The following SLC12A9 variants were observed in gnomAD, a reference collection of about 807,000 sequenced individuals.
The protein encoded by SLC12A9 is solute carrier family 12 member 9.
SLC12A9 carries 55 observed loss-of-function variants against 66.0 expected under a neutral mutation model. That is an observed-to-expected ratio of 0.83 (90% CI 0.67 to 1.04). SLC12A9 has a LOEUF of 1.04. Among genes scored for constraint, SLC12A9 ranks in the 50% least tolerant of loss-of-function variants. The pLI, the probability that SLC12A9 is intolerant of heterozygous loss-of-function variation, is 0.00. For synonymous variants in SLC12A9, 577 were observed against 569.0 expected, an observed-to-expected ratio of 1.01 and a Z score of -0.20; for missense variants, 1,061 against 1,241.9, an observed-to-expected ratio of 0.85 and a Z score of 2.19.
At chr7:100,827,694 G>T (rs1342858658) in intron 1 of SLC12A9, among the ~76,000 whole-genome samples, 1 of 152,162 alleles carries the variant, frequency 6.6e-6, no homozygotes, top group Non-Finnish European at 1.5e-5. Context: ...TCGGGAAGTT[G>T]AGAGAAAGTT....
At position 100,861,253 on chromosome 7, in the gene SLC12A9, C is replaced by T; in HGVS notation, c.1334C>T (p.Pro445Leu). The T allele has an allele frequency of 6.2e-7, 1 of 1,614,208 alleles. No homozygotes were observed. The highest frequency in any genetic ancestry group is 8.5e-7 in the Non-Finnish European group (1 of 1,180,026). The part of the protein sequence containing the change: ...SCLSLEWASA[P>L]NFRPTFSLFS... The stretch of plus-strand genomic sequence containing the variant: ...CTGAGCCTGGAGTGGGCCTCGGCCC[C>T]CAACTTCCGGTGAGAGACTCAGATC... The change falls in exon 10 of 14, where the codon CCC (proline) becomes CTC (leucine). Residue 445 changes from proline to leucine, a missense_variant. Physicochemically the swap from Pro to Leu is moderately conservative, Grantham distance 98 (BLOSUM62 -3). Coordinates refer to ENST00000354161, the MANE Select transcript of SLC12A9 (RefSeq NM_020246.4). The surrounding 1 kb of genome is among the most constrained non-coding windows in gnomAD (Gnocchi z 5.3).
chr7:100,830,974 C>A (rs1813532634), intron 1 of SLC12A9, among the ~76,000 whole-genome samples: 1 of 152,088 alleles, frequency 6.6e-6, no homozygotes, highest in Non-Finnish European at 1.5e-5. Context: ...ACGTTACTAC[C>A]TGAATCCATG....
chr7:100,839,557 G>A (rs963544556), intron 1 of SLC12A9, among the ~76,000 whole-genome samples: 1 of 152,226 alleles, frequency 6.6e-6, no homozygotes, highest in African/African-American at 2.4e-5. Context: ...CATCCCTGCG[G>A]GCGACTCTAA....
Position 100,854,659 on chromosome 7 carries a change from C to G in SLC12A9, c.221C>G (p.Ala74Gly). The G allele has an allele frequency of 6.2e-7, 1 of 1,614,050 alleles. No homozygotes were observed. Among genetic ancestry groups the G allele is most frequent in the African/African-American group, 1.3e-5 (1 of 75,002 alleles). Reference sequence around the variant, plus strand: ...CATGCTGGGCTACTGCAGGCCCTGGCCATGCTGCTGGTTGCCTACTTCATC... The same window carrying G: ...CATGCTGGGCTACTGCAGGCCCTGGGCATGCTGCTGGTTGCCTACTTCATC... ...VGHAGLLQAL[A>G]MLLVAYFILA... Residue 74 changes from alanine to glycine, a missense_variant, in exon 3 of 14, where the codon GCC becomes GGC. Ala to Gly is a moderately conservative substitution (Grantham distance 60). Coordinates refer to ENST00000354161, the MANE Select transcript of SLC12A9 (RefSeq NM_020246.4).
chr7:100,840,176 GTTCT>G (rs1322448609), intron 1 of SLC12A9, among the ~76,000 whole-genome samples: 2 of 152,140 alleles, frequency 1.3e-5, no homozygotes, highest in African/African-American at 4.8e-5. Flanking sequence ...CTTTTTACCT[GTTCT>G]TTGTTTTGTG....
upstream of SLC12A9, among the ~76,000 whole-genome samples, chr7:100,851,837 AT>A (rs1814093413): frequency 6.6e-6 from 1 of 150,932 alleles, no homozygotes. Flanking sequence ...CCAAGCTCCA[AT>A]TTCCTAATCT....
intron 1 of SLC12A9, among the ~76,000 whole-genome samples, chr7:100,829,380 G>A (rs983510071): frequency 6.6e-6 from 1 of 152,158 alleles, no homozygotes; most frequent in African/African-American, 2.4e-5. Flanking sequence ...GCTGCCAAGC[G>A]CCCTTACGTC....
Position 100,854,354 on chromosome 7 carries a change from A to G in SLC12A9, c.157A>G (p.Ser53Gly). The stretch of plus-strand genomic sequence containing the variant: ...GGTGCCCACTGTCCTGTCCATGTTC[A>G]GCATAGTTGTTTTTCTGAGGATTGG... ...VVVPTVLSMF[S>G]IVVFLRIGFV... Residue 53 changes from serine (S) to glycine (G), a missense_variant, in exon 2 of 14, where the codon AGC (serine) becomes GGC (glycine). Transcript: ENST00000354161. The G allele has an allele frequency of 6.2e-7, 1 of 1,613,312 alleles. No homozygotes were observed.
chr7:100,833,086 A>G (rs1813573847), intron 1 of SLC12A9, among the ~76,000 whole-genome samples: 1 of 151,666 alleles, frequency 6.6e-6, no homozygotes, highest in Non-Finnish European at 1.5e-5. Context: ...TGGCTAATTT[A>G]TTTTATTTTA....
chr7:100,850,200 C>T (rs1409247704), upstream of SLC12A9, among the ~76,000 whole-genome samples: 9 of 146,762 alleles, frequency 6.1e-5, no homozygotes, highest in African/African-American at 2.2e-4. Flanking sequence ...TCCCTTCTTT[C>T]CTTCCCTCCC....
chr7:100,859,754 G>T, intron 7 of SLC12A9, 131 bp from the exon 8 acceptor site: 1 of 1,125,808 alleles, frequency 8.9e-7, no homozygotes, highest in South Asian at 1.6e-5. Context: ...TAAATCCAAG[G>T]CTGCCCAATG....
chr7:100,851,165 C>A (rs1814064089), upstream of SLC12A9, among the ~76,000 whole-genome samples: 1 of 151,962 alleles, frequency 6.6e-6, no homozygotes, highest in South Asian at 2.1e-4. Flanking sequence ...CTCCTTGCCA[C>A]CTTCTTGGTG....
chr7:100,861,630 G>A lies in SLC12A9; in HGVS notation c.1536+46G>A. On this transcript the variant is annotated intron_variant, in intron 11 of 13. Coordinates refer to ENST00000354161, the MANE Select transcript of SLC12A9 (RefSeq NM_020246.4). The surrounding 1 kb of genome is among the most constrained non-coding windows in gnomAD (Gnocchi z 5.3). ...GGTGGGGAAATGGGAGGTGGTCAAA[G>A]AACCCCCTCTCTCTTTGGCTGGAGT... 6.2e-7 allele frequency: 1 copy of A among 1,606,246 alleles called. No individual in the cohort carries two copies. The highest frequency in any genetic ancestry group is 1.1e-5 in the South Asian group (1 of 90,914).
intron 1 of SLC12A9, among the ~76,000 whole-genome samples, chr7:100,829,405 C>T (rs1206697983): frequency 1.3e-5 from 2 of 152,112 alleles, no homozygotes; most frequent in African/African-American, 4.8e-5. Flanking sequence ...AAAGGACAGC[C>T]GGGCCTGTGA....
chr7:100,830,898 C>G (rs550088605), intron 1 of SLC12A9, among the ~76,000 whole-genome samples: 30 of 152,124 alleles, frequency 2.0e-4, no homozygotes, highest in Non-Finnish European at 4.1e-4. Context: ...CCTTAGACCA[C>G]CCAGAACCAC....
At chr7:100,844,340 G>A (rs1813857130) in intron 1 of SLC12A9, among the ~76,000 whole-genome samples, 1 of 152,146 alleles carries the variant, frequency 6.6e-6, no homozygotes, top group Non-Finnish European at 1.5e-5. Flanking sequence ...CATGACCACA[G>A]TTTTTAAAAT....
At chr7:100,844,587 G>C (rs1304099541) in intron 1 of SLC12A9, among the ~76,000 whole-genome samples, 1 of 152,060 alleles carries the variant, frequency 6.6e-6, no homozygotes, top group East Asian at 1.9e-4. Flanking sequence ...GTAAATACTG[G>C]TCTTGTGTCA....
upstream of SLC12A9, among the ~76,000 whole-genome samples, chr7:100,850,202 TTCCC>T (rs1407207481): frequency 6.8e-6 from 1 of 147,260 alleles, no homozygotes; most frequent in Non-Finnish European, 1.5e-5. Flanking sequence ...CCTTCTTTCC[TTCCC>T]TCCCTCCCTC....
intron 13 of SLC12A9, among the ~76,000 whole-genome samples, chr7:100,863,985 TC>T (rs1220419688): frequency 6.6e-6 from 1 of 152,184 alleles, no homozygotes; most frequent in Non-Finnish European, 1.5e-5. Context: ...AGCCTGGTCT[TC>T]ACTTTTTGTG....
Sources: allele counts gnomAD v4.1 joint callset (sites outside exome capture counted in the v4.1 genomes callset), GRCh38; gene constraint gnomAD v4.1.1; non-coding constraint Gnocchi (gnomAD v3.1); transcripts MANE v1.5; gene names NCBI Gene and HGNC (gene_info 2026-07-23, HGNC 2026-07-21).